Variants in CNIH3 observed in about 807,000 individuals in gnomAD.
CNIH3 encodes protein cornichon homolog 3.
A neutral mutation model predicts 24.1 loss-of-function variants in CNIH3; 14 were observed. The observed-to-expected ratio is 0.58, with a 90% CI of 0.38 to 0.91. The LOEUF is 0.91. Ranked by LOEUF, CNIH3 falls within the 40% of genes least tolerant of loss-of-function variation. The probability of loss-of-function intolerance (pLI) is 0.00; values close to 1 mark genes in which losing one functional copy is unlikely to be tolerated. For missense variants in CNIH3, 178 were observed against 196.8 expected (o/e 0.90, Z 0.57); for synonymous variants, 68 against 73.8 (o/e 0.92, Z 0.40).
At chr1:224,450,295 A>G (rs1281509227) in intron 1 of CNIH3, among the ~76,000 whole-genome samples, 1 of 152,248 alleles carries the variant, frequency 6.6e-6, no homozygotes, top group Non-Finnish European at 1.5e-5. Flanking sequence ...TCAAAAAGAA[A>G]GAAACAGGAA....
Position 224,617,118 on chromosome 1 carries a change from G to A in CNIH3, c.-57G>A. Reference sequence around the variant, plus strand: ...TGGAGGGAGTGCGGTCCTCTAGGGAGGCATCGGGCTCCTAGGGGCTTCTTG... The same window carrying A: ...TGGAGGGAGTGCGGTCCTCTAGGGAAGCATCGGGCTCCTAGGGGCTTCTTG... On this transcript the variant is annotated 5_prime_UTR_variant, in exon 1 of 6. Transcript: ENST00000272133. 4.4e-6 allele frequency: 7 copies of A among 1,602,520 alleles called. No individual in the cohort carries two copies. Among genetic ancestry groups the A allele is most frequent in the Non-Finnish European group, 6.0e-6 (7 of 1,174,712 alleles).
Position 224,734,654 on chromosome 1 carries a change from G to A in CNIH3, c.403G>A (p.Ala135Thr), listed in dbSNP as rs753918334. 1 of 1,614,178 alleles carries A rather than the reference G, an allele frequency of 6.2e-7. No homozygotes were observed. The highest frequency in any genetic ancestry group is 8.5e-7 in the Non-Finnish European group (1 of 1,180,014). Residue 135 changes from alanine to threonine, a missense_variant, in exon 5 of 6, where the codon GCC (alanine) becomes ACC (threonine). Transcript: ENST00000272133. The stretch of plus-strand genomic sequence containing the variant: ...CACTTTGAGTTACTGTCAGAAGGAG[G>A]CCTGGTGTAAGCTGGCCTTCTATCT... ...ADTLSYCQKE[A>T]WCKLAFYLLS...
chr1:224,674,349 C>T (rs1686030134), intron 1 of CNIH3, among the ~76,000 whole-genome samples: 1 of 119,964 alleles, frequency 8.3e-6, no homozygotes, highest in Non-Finnish European at 1.6e-5. Flanking sequence ...ATAATGATTT[C>T]AGACAAGTGA....
chr1:224,434,948 G>A (rs1195007279), intron 1 of CNIH3: 6 of 985,578 alleles, frequency 6.1e-6, no homozygotes, highest in Non-Finnish European at 7.2e-6. Context: ...GCGGGCCGGC[G>A]GGGTCCGCCC....
At chr1:224,448,106 G>A (rs965812219) in intron 1 of CNIH3, among the ~76,000 whole-genome samples, 8 of 152,120 alleles carry the variant, frequency 5.3e-5, no homozygotes, top group Non-Finnish European at 1.2e-4. Flanking sequence ...GCATGGTGGC[G>A]GATGCCTGCA....
chr1:224,631,228 A>AC (rs1224586528), intron 1 of CNIH3, among the ~76,000 whole-genome samples: 3 of 152,192 alleles, frequency 2.0e-5, no homozygotes, highest in African/African-American at 7.2e-5. Flanking sequence ...AGAATGACCC[A>AC]CTGATTCCCT....
upstream of CNIH3, chr1:224,611,354 A>G (rs530019754): frequency 6.6e-6 from 1 of 152,350 alleles, no homozygotes; most frequent in African/African-American, 2.4e-5. Context: ...GGCATCAGTT[A>G]AGAATTGTGT....
intron 1 of CNIH3, among the ~76,000 whole-genome samples, chr1:224,651,831 A>T (rs1572660524): frequency 1.3e-5 from 2 of 152,292 alleles, no homozygotes; most frequent in East Asian, 3.9e-4. Context: ...TTTCAATGGG[A>T]TAAATCCTCA....
At chr1:224,461,981 T>G (rs556183148) in intron 1 of CNIH3, among the ~76,000 whole-genome samples, 207 of 152,334 alleles carry the variant, frequency 1.4e-3, no homozygotes, top group Non-Finnish European at 2.5e-3. Context: ...TCAGTACTTC[T>G]TTCCTTTTTT....
chr1:224,496,653 A>T (rs1236430402), intron 1 of CNIH3, among the ~76,000 whole-genome samples: 1 of 152,206 alleles, frequency 6.6e-6, no homozygotes, highest in Non-Finnish European at 1.5e-5. Flanking sequence ...TACAGTGAAC[A>T]GGATGGGTCC....
At chr1:224,560,893 AG>A (rs570564546) in intron 3 of CNIH3, among the ~76,000 whole-genome samples, 168 of 152,314 alleles carry the variant, frequency 1.1e-3, no homozygotes, top group African/African-American at 3.7e-3. Context: ...GGTGCCAAAA[AG>A]TTTGGAGACC....
Position 224,709,609 on chromosome 1 carries a change from G to T in CNIH3, c.199-20853G>T, listed in dbSNP as rs1406833805. On this transcript the variant is annotated intron_variant, in intron 3 of 5. Coordinates refer to ENST00000272133, the MANE Select transcript of CNIH3 (RefSeq NM_152495.2). ...GACCACATAAACCTACCACATGCTT[G>T]CAGGAGTAGAGAAAGAGGATGCCTG... Among the ~76,000 whole-genome samples the T allele has an allele frequency of 2.0e-5, 3 of 152,182 alleles. No homozygotes were observed. The East Asian group carries it at 5.8e-4, about 29-fold the overall frequency.
chr1:224,646,875 A>G (rs552739044), intron 1 of CNIH3, among the ~76,000 whole-genome samples: 7 of 152,332 alleles, frequency 4.6e-5, no homozygotes, highest in African/African-American at 1.7e-4. Flanking sequence ...TTTTATGACA[A>G]TCTGGTGTCA....
intron 3 of CNIH3, among the ~76,000 whole-genome samples, chr1:224,695,817 G>A (rs1687150402): frequency 2.0e-5 from 3 of 152,216 alleles, no homozygotes; most frequent in Non-Finnish European, 4.4e-5. Flanking sequence ...CAGAGGCAGA[G>A]CAGATTGTCA....
At chr1:224,734,429 A>G (rs1572840396) in intron 4 of CNIH3, 134 bp from the exon 5 acceptor site, 3 of 813,926 alleles carry the variant, frequency 3.7e-6, no homozygotes, top group Admixed American at 2.2e-5. Context: ...CGGTGCTTCA[A>G]CTGTGATTTG....
At chr1:224,519,224 C>A (rs978821959) in intron 1 of CNIH3, among the ~76,000 whole-genome samples, 10 of 152,196 alleles carry the variant, frequency 6.6e-5, no homozygotes, top group Non-Finnish European at 1.2e-4. Context: ...CACCGCATGG[C>A]AGGGGAGGCC....
At chr1:224,522,504 C>A (rs572762493) in intron 2 of CNIH3, among the ~76,000 whole-genome samples, 1 of 152,312 alleles carries the variant, frequency 6.6e-6, no homozygotes, top group Admixed American at 6.5e-5. Flanking sequence ...GGTATTGCAG[C>A]GTGTCTAACT....
At chr1:224,514,962 T>C (rs531257937), upstream of CNIH3, among the ~76,000 whole-genome samples, 161 of 152,342 alleles carry the variant, frequency 1.1e-3, 2 homozygotes, top group Middle Eastern at 0.02. Context: ...GCCCCACATC[T>C]TGGTGAGCTG....
At chr1:224,656,123 T>C (rs772255465) in intron 1 of CNIH3, among the ~76,000 whole-genome samples, 62 of 152,156 alleles carry the variant, frequency 4.1e-4, no homozygotes, top group Non-Finnish European at 1.9e-4. Flanking sequence ...AATTCCTCAA[T>C]CATGGGGAAT....
Sources: allele counts gnomAD v4.1 joint callset (sites outside exome capture counted in the v4.1 genomes callset), GRCh38; gene constraint gnomAD v4.1.1; transcripts MANE v1.5; gene names NCBI Gene and HGNC (gene_info 2026-07-23, HGNC 2026-07-21).